LAMA3: variants seen among roughly 807,000 people sequenced by gnomAD.
The protein encoded by LAMA3 is laminin subunit alpha-3.
A neutral mutation model predicts 402.0 loss-of-function variants in LAMA3; 281 were observed. The observed-to-expected ratio is 0.70, with a 90% CI of 0.63 to 0.77. The LOEUF is 0.77. Among genes scored for constraint, LAMA3 ranks in the 30% least tolerant of loss-of-function variants. The pLI is 0.00. For missense variants in LAMA3, 3,840 were observed against 4,215.5 expected (o/e 0.91, Z 2.47); for synonymous variants, 1,431 against 1,558.4 (o/e 0.92, Z 1.93).
chr18:23,827,617 T>C (rs573205126), intron 23 of LAMA3, 150 bp downstream of exon 23: 2 of 907,702 alleles, frequency 2.2e-6, no homozygotes, highest in Admixed American at 2.2e-5. Flanking sequence ...ACTATCTGAT[T>C]TAGGGTGGGG....
chr18:23,826,578 T>C (rs2063386384), intron 21 of LAMA3, 124 bp from the exon 22 acceptor site: 5 of 745,708 alleles, frequency 6.7e-6, no homozygotes, highest in Non-Finnish European at 9.5e-6. Context: ...GCAGTTGATA[T>C]GGAGAGTTTA....
chr18:23,787,719 C>T (rs2062572989), intron 12 of LAMA3, among the ~76,000 whole-genome samples: 1 of 152,080 alleles, frequency 6.6e-6, no homozygotes, highest in Non-Finnish European at 1.5e-5. Flanking sequence ...AATCTCCTAT[C>T]CATCAAAATT....
At chr18:23,932,403 C>A in intron 66 of LAMA3, 112 bp downstream of exon 66, 1 of 1,144,594 alleles carries the variant, frequency 8.7e-7, no homozygotes, top group Non-Finnish European at 1.3e-6. Flanking sequence ...TGCACGAGAC[C>A]CGCATACCAC....
chr18:23,937,113 C>G (rs1812074), intron 67 of LAMA3, among the ~76,000 whole-genome samples: 12,466 of 152,118 alleles, frequency 0.082, 950 homozygotes, highest in Admixed American at 0.18. Flanking sequence ...CACCTGTAAT[C>G]CCAGCACTTT....
intron 14 of LAMA3, 43 bp downstream of exon 14, chr18:23,813,146 T>C (rs753794097): frequency 7.6e-7 from 1 of 1,317,192 alleles, no homozygotes; most frequent in South Asian, 1.2e-5. Context: ...CTATCTCTAT[T>C]ATTCTCATGC....
rs763046489 is a variant in LAMA3 at position 23,813,115 on chromosome 18, A to G, written c.1788+12A>G. The G allele has an allele frequency of 2.9e-5, 46 of 1,581,240 alleles. No individual in the cohort carries two copies. The highest frequency in any genetic ancestry group is 2.5e-4 in the South Asian group (23 of 90,414). On this transcript the variant is annotated intron_variant, in intron 14 of 74. Coordinates refer to ENST00000313654, the MANE Select transcript of LAMA3 (RefSeq NM_198129.4). Reference sequence around the variant, plus strand: ...TCAACTCCAATTTGGTAAGTAGACTATAAAAGGGTTGCAATTCTAACTATC... The same window carrying G: ...TCAACTCCAATTTGGTAAGTAGACTGTAAAAGGGTTGCAATTCTAACTATC...
In LAMA3 at chr18:23,839,687, A is replaced by G. The variant is rs1264213292; in HGVS notation, c.3192-98A>G. 2.5e-5 allele frequency: 32 copies of G among 1,281,968 alleles called. No homozygotes were observed. Among genetic ancestry groups the G allele is most frequent in the African/African-American group, 4.4e-5 (3 of 67,870 alleles). The allele number at this position is 1,281,968 out of a possible 1,614,324, so 79.4% of individuals were successfully genotyped here. ...CCAGCACTGGATCCTTTTGATGCCC[A>G]TGCAGTCCTATGCTCCAAGTCTGTC... On this transcript the variant is annotated intron_variant, in intron 26 of 74. Coordinates refer to ENST00000313654, the MANE Select transcript of LAMA3 (RefSeq NM_198129.4). The surrounding 1 kb of genome is among the most constrained non-coding windows in gnomAD (Gnocchi z 4.5).
chr18:23,773,378 C>T (rs1598761988), intron 8 of LAMA3, 119 bp from the exon 9 acceptor site: 1 of 753,412 alleles, frequency 1.3e-6, no homozygotes, highest in East Asian at 2.7e-5. Flanking sequence ...ATTATTATTT[C>T]AGTGACTTCA....
intron 41 of LAMA3, among the ~76,000 whole-genome samples, chr18:23,885,989 A>G (rs549153710): frequency 3.3e-5 from 5 of 152,246 alleles, no homozygotes; most frequent in African/African-American, 1.2e-4. Context: ...CTTATCTAAT[A>G]CTATGTTAGT....
intron 2 of LAMA3, among the ~76,000 whole-genome samples, chr18:23,721,427 C>T (rs2061211094): frequency 6.6e-6 from 1 of 152,128 alleles, no homozygotes; most frequent in African/African-American, 2.4e-5. Context: ...TTATTCTAAC[C>T]AGCCCGAATG....
At chr18:23,812,668 G>T (rs557553762) in intron 13 of LAMA3, among the ~76,000 whole-genome samples, 18 of 152,300 alleles carry the variant, frequency 1.2e-4, no homozygotes, top group African/African-American at 4.3e-4. Context: ...GATAATTAAA[G>T]ATGTACTTAG....
intron 11 of LAMA3, among the ~76,000 whole-genome samples, chr18:23,780,889 A>G (rs546262365): frequency 1.3e-5 from 2 of 152,342 alleles, no homozygotes; most frequent in African/African-American, 4.8e-5. Context: ...TGATATGAAA[A>G]GGTTGATATT....
At chr18:23,726,319 G>T (rs2061299989) in intron 2 of LAMA3, among the ~76,000 whole-genome samples, 1 of 152,256 alleles carries the variant, frequency 6.6e-6, no homozygotes, top group Admixed American at 6.5e-5. Flanking sequence ...CCCAGCCAGA[G>T]CCTGGCCCAG....
intron 39 of LAMA3, among the ~76,000 whole-genome samples, chr18:23,878,671 G>A (rs1273820459): frequency 1.2e-4 from 19 of 152,176 alleles, no homozygotes; most frequent in Admixed American, 1.0e-3. Context: ...AATATCAAAC[G>A]GGCCTTCTGG....
chr18:23,928,294 C>T, intron 63 of LAMA3, 54 bp downstream of exon 63: 2 of 1,133,348 alleles, frequency 1.8e-6, no homozygotes, highest in Non-Finnish European at 2.7e-6. Flanking sequence ...AACCCACCTT[C>T]CGTATCCATT....
In LAMA3 at chr18:23,899,387, A is replaced by C; in HGVS notation, c.5936A>C (p.Glu1979Ala). Reference sequence around the variant, plus strand: ...GCTGAAGCCCAGCGCATGATGAGGGAACTGCGGAACAGGAACTTTGGAAAG... The same window carrying C: ...GCTGAAGCCCAGCGCATGATGAGGGCACTGCGGAACAGGAACTTTGGAAAG... Reference protein sequence around the residue: ...EWAEAQRMMRELRNRNFGKHL... With the variant: ...EWAEAQRMMRALRNRNFGKHL... The change falls in exon 47 of 75, where the codon GAA becomes GCA. Residue 1979 changes from glutamate to alanine, a missense_variant. Glu to Ala is a moderately radical substitution (Grantham distance 107). Coordinates refer to ENST00000313654, the MANE Select transcript of LAMA3 (RefSeq NM_198129.4). 1 of 1,614,168 alleles carries C rather than the reference A, an allele frequency of 6.2e-7. No homozygotes were observed. The highest frequency in any genetic ancestry group is 1.1e-5 in the South Asian group (1 of 91,086).
At chr18:23,827,649 G>A (rs1171284216) in intron 23 of LAMA3, among the ~76,000 whole-genome samples, 182 bp downstream of exon 23, 6 of 152,186 alleles carry the variant, frequency 3.9e-5, no homozygotes, top group Non-Finnish European at 2.9e-5. Context: ...GCTACATGGA[G>A]CCATGTTCAG....
intron 39 of LAMA3, 119 bp downstream of exon 39, chr18:23,876,526 G>C: frequency 1.4e-6 from 1 of 691,080 alleles, no homozygotes; most frequent in Non-Finnish European, 2.6e-6. Context: ...AGAGGTCGCT[G>C]TGTAAATATA....
rs534287886 is a variant in LAMA3, at chr18:23,881,915, G to C, written c.5113-21G>C. ...GGGACTGTACTGGCTGCTGTGAATTGTGCTGTTCACCTGTCCCCAGAACTG... is the reference window on the plus strand; with the variant it reads ...GGGACTGTACTGGCTGCTGTGAATTCTGCTGTTCACCTGTCCCCAGAACTG... On this transcript the variant is annotated intron_variant, in intron 39 of 74. Transcript: ENST00000313654. The C allele has an allele frequency of 3.3e-6, 5 of 1,515,678 alleles. No individual in the cohort carries two copies. The African/African-American group carries it at 5.5e-5, about 17-fold the overall frequency. 93.9% of individuals were successfully genotyped at this position (1,515,678 alleles called of 1,614,324 possible). A position where few individuals can be genotyped will look rare whatever the true frequency, so the allele number is the denominator to read the frequency against.
Sources: allele counts gnomAD v4.1 joint callset (sites outside exome capture counted in the v4.1 genomes callset), GRCh38; gene constraint gnomAD v4.1.1; non-coding constraint Gnocchi (gnomAD v3.1); transcripts MANE v1.5; gene names NCBI Gene and HGNC (gene_info 2026-07-23, HGNC 2026-07-21).